Variants in CSPP1 observed in about 807,000 individuals in gnomAD.
The protein encoded by CSPP1 is centrosome and spindle pole-associated protein 1.
CSPP1 carries 126 observed loss-of-function variants against 164.4 expected under a neutral mutation model. The observed-to-expected ratio is 0.77, with a 90% confidence interval of 0.66 to 0.89. CSPP1 has a LOEUF of 0.89. CSPP1 is among the 40% of genes least tolerant of loss of function. CSPP1 has a pLI of 0.00. For missense variants in CSPP1, 1,395 were observed against 1,449.8 expected (o/e 0.96, Z 0.61); for synonymous variants, 472 against 476.7 (o/e 0.99, Z 0.13).
intron 17 of CSPP1, among the ~76,000 whole-genome samples, chr8:67,138,723 T>C (rs183701177): frequency 6.6e-6 from 1 of 152,358 alleles, no homozygotes; most frequent in Admixed American, 6.5e-5. Flanking sequence ...GCAAAAATTT[T>C]CTCCCATTCT....
intron 14 of CSPP1, 43 bp from the exon 15 acceptor site, chr8:67,118,700 T>C: frequency 7.7e-7 from 1 of 1,292,008 alleles, no homozygotes. Context: ...ATTAAATGAT[T>C]ATTCTAAATA....
intron 5 of CSPP1, among the ~76,000 whole-genome samples, chr8:67,092,761 C>A (rs139714043): frequency 6.6e-6 from 1 of 152,052 alleles, no homozygotes; most frequent in Non-Finnish European, 1.5e-5. Context: ...TTCTTTAGTA[C>A]TTTTTTAGAT....
intron 2 of CSPP1, among the ~76,000 whole-genome samples, chr8:67,075,442 A>C (rs752128588): frequency 6.6e-6 from 1 of 152,224 alleles, no homozygotes; most frequent in South Asian, 2.1e-4. Flanking sequence ...TACCCTGATT[A>C]CAATTTTACT....
At chr8:67,162,223 C>T (rs1274756210) in intron 22 of CSPP1, among the ~76,000 whole-genome samples, 1 of 152,174 alleles carries the variant, frequency 6.6e-6, no homozygotes, top group Non-Finnish European at 1.5e-5. Flanking sequence ...TAAGATTGAT[C>T]CTCAAGGTGA....
At chr8:67,155,528 G>C (rs1343342030) in intron 19 of CSPP1, among the ~76,000 whole-genome samples, 3 of 152,136 alleles carry the variant, frequency 2.0e-5, no homozygotes, top group Non-Finnish European at 4.4e-5. Context: ...GGGTGTGGTG[G>C]CTCACACCTC....
chr8:67,150,357 C>A (rs191276042), intron 18 of CSPP1, among the ~76,000 whole-genome samples: 418 of 151,840 alleles, frequency 2.8e-3, no homozygotes, highest in Non-Finnish European at 4.2e-3. Flanking sequence ...TTTTAGTAAT[C>A]ATTTACCCTC....
intron 28 of CSPP1, among the ~76,000 whole-genome samples, chr8:67,184,010 G>C (rs777069127): frequency 6.6e-6 from 1 of 151,862 alleles, no homozygotes. Context: ...CTGCCACCAC[G>C]CCTGGCTAAT....
chr8:67,081,316 G>A (rs1231309108), intron 3 of CSPP1, among the ~76,000 whole-genome samples: 1 of 152,050 alleles, frequency 6.6e-6, no homozygotes, highest in Non-Finnish European at 1.5e-5. Flanking sequence ...AAAATTTTAA[G>A]GATTTAGAGG....
chr8:67,128,165 A>G (rs1421724885), intron 15 of CSPP1, among the ~76,000 whole-genome samples: 3 of 152,238 alleles, frequency 2.0e-5, no homozygotes, highest in Non-Finnish European at 4.4e-5. Flanking sequence ...GAAAAAATTC[A>G]AAAAAGAACA....
intron 25 of CSPP1, chr8:67,174,995 T>C: frequency 3.1e-6 from 1 of 324,218 alleles, no homozygotes; most frequent in Non-Finnish European, 5.8e-6. Flanking sequence ...TAGTCTGTGT[T>C]CTGGGTGGCA....
chr8:67,085,727 A>C (rs1226018697), intron 3 of CSPP1, among the ~76,000 whole-genome samples: 2 of 152,142 alleles, frequency 1.3e-5, no homozygotes, highest in African/African-American at 4.8e-5. Flanking sequence ...TTATAGGTGC[A>C]TTAAAAAATT....
At chr8:67,075,964 T>A (rs991681227) in intron 2 of CSPP1, among the ~76,000 whole-genome samples, 1 of 152,204 alleles carries the variant, frequency 6.6e-6, no homozygotes, top group Non-Finnish European at 1.5e-5. Context: ...TTAAAGACAG[T>A]TTTGTTATAA....
intron 16 of CSPP1, among the ~76,000 whole-genome samples, chr8:67,137,002 C>G (rs754499232): frequency 2.0e-5 from 3 of 151,874 alleles, no homozygotes; most frequent in Non-Finnish European, 4.4e-5. Flanking sequence ...TATTTAAAGA[C>G]AGTGTCTTGC....
rs1313078409 is a variant in CSPP1 at position 67,196,055 on chromosome 8, T to G, written c.*462T>G. 1 of 153,958 alleles carries G rather than the reference T, an allele frequency of 6.5e-6. No individual in the cohort carries two copies. The highest frequency in any genetic ancestry group is 1.4e-5 in the Non-Finnish European group (1 of 69,544). The allele number at this position is 153,958 out of a possible 1,614,324, so 9.5% of individuals were successfully genotyped here. On this transcript the variant is annotated 3_prime_UTR_variant, in exon 31 of 31. Transcript: ENST00000678616. Reference sequence around the variant, plus strand: ...TGATGCAATCAAATGTCCTATTAATTAATTATTATTTCATGTCATTTGTAG... The same window carrying G: ...TGATGCAATCAAATGTCCTATTAATGAATTATTATTTCATGTCATTTGTAG...
chr8:67,190,800 A>T (rs1427485042), intron 29 of CSPP1, 41 bp downstream of exon 29: 1 of 1,424,512 alleles, frequency 7.0e-7, no homozygotes, highest in Admixed American at 1.7e-5. Flanking sequence ...ACTTAGAAGA[A>T]TGAGAGGTCT....
chr8:67,178,734 C>G (rs915919794), intron 27 of CSPP1, among the ~76,000 whole-genome samples: 1 of 152,056 alleles, frequency 6.6e-6, no homozygotes, highest in African/African-American at 2.4e-5. Context: ...GGAAGTTGGC[C>G]TAGTGCATGT....
chr8:67,173,209 A>C (rs1402036033), intron 25 of CSPP1, among the ~76,000 whole-genome samples: 2 of 148,480 alleles, frequency 1.3e-5, no homozygotes, highest in African/African-American at 5.3e-5. Flanking sequence ...CAGGAGAAAG[A>C]GGTTCAGGCT....
intron 1 of CSPP1, among the ~76,000 whole-genome samples, chr8:67,068,752 G>A (rs1806095794): frequency 6.6e-6 from 1 of 152,168 alleles, no homozygotes; most frequent in Admixed American, 6.5e-5. Context: ...TTTTTCTGTT[G>A]AAGATAAACT....
At chr8:67,105,547 A>C (rs1215417831) in intron 8 of CSPP1, among the ~76,000 whole-genome samples, 2 of 151,438 alleles carry the variant, frequency 1.3e-5, no homozygotes, top group East Asian at 3.9e-4. Flanking sequence ...CACTCAGCTA[A>C]TTTTTTTGTA....
Sources: allele counts gnomAD v4.1 joint callset (sites outside exome capture counted in the v4.1 genomes callset), GRCh38; gene constraint gnomAD v4.1.1; transcripts MANE v1.5; gene names NCBI Gene and HGNC (gene_info 2026-07-23, HGNC 2026-07-21).